ADGRB1: variants seen among roughly 807,000 people sequenced by gnomAD.
ADGRB1 encodes the protein brain-specific angiogenesis inhibitor 1.
Under a neutral mutation model 175.7 loss-of-function variants are expected in ADGRB1, and 36 were observed. That is an observed-to-expected ratio of 0.20 (90% CI 0.16 to 0.27). The LOEUF (loss-of-function observed/expected upper bound fraction) is 0.27, where lower values mean the gene tolerates loss of function less well. Ranked by LOEUF, ADGRB1 falls within the 10% of genes least tolerant of loss-of-function variation. ADGRB1 has a pLI of 1.00. For synonymous variants in ADGRB1, 1,054 were observed against 979.4 expected (o/e 1.08, Z -1.42); for missense variants, 1,731 against 2,255.3 (o/e 0.77, Z 4.71).
chr8:142,523,555 A>ATTGGATTT (rs1208581173), intron 22 of ADGRB1, among the ~76,000 whole-genome samples: 39 of 152,010 alleles, frequency 2.6e-4, no homozygotes, highest in African/African-American at 9.4e-4. Flanking sequence ...CACTGTCCCC[A>ATTGGATTT]GAGATGAGAG....
intron 9 of ADGRB1, 51 bp from the exon 10 acceptor site, chr8:142,481,203 T>G: frequency 6.4e-7 from 1 of 1,555,156 alleles, no homozygotes. Flanking sequence ...AAGGGTGGGA[T>G]TCCTGGGCCA....
chr8:142,457,729 CG>C (rs1002967037), intron 1 of ADGRB1, among the ~76,000 whole-genome samples: 2 of 152,112 alleles, frequency 1.3e-5, no homozygotes, highest in African/African-American at 4.8e-5. Context: ...GTCACCCTGT[CG>C]GGGGGAGGCT....
At chr8:142,465,830 C>T (rs912701526) in intron 2 of ADGRB1, among the ~76,000 whole-genome samples, 14 of 152,136 alleles carry the variant, frequency 9.2e-5, no homozygotes, top group African/African-American at 2.2e-4. Flanking sequence ...GAAGAGAGAA[C>T]GGCAAGTGGC....
In ADGRB1 at chr8:142,524,651, A is replaced by G. The variant is rs559360480; in HGVS notation, c.3312+347A>G. Among the ~76,000 whole-genome samples the G allele has an allele frequency of 3.9e-5, 6 of 152,178 alleles. No individual in the cohort carries two copies. The South Asian group carries it at 1.0e-3, about 26-fold the overall frequency. On this transcript the variant is annotated intron_variant, in intron 23 of 30. Transcript: ENST00000517894. ...TGGACGGATGATGCGAGCAGCGGGGAGCTGCAGGCTGGACCTGGGTTGTGG... is the reference window on the plus strand; with the variant it reads ...TGGACGGATGATGCGAGCAGCGGGGGGCTGCAGGCTGGACCTGGGTTGTGG...
intron 1 of ADGRB1, among the ~76,000 whole-genome samples, chr8:142,454,006 G>C (rs1839512652): frequency 6.6e-6 from 1 of 152,180 alleles, no homozygotes; most frequent in African/African-American, 2.4e-5. Context: ...GAGGGGTCCG[G>C]ACCAGACCTG....
intron 24 of ADGRB1, among the ~76,000 whole-genome samples, chr8:142,529,399 G>T (rs1030687371): frequency 1.3e-5 from 2 of 151,940 alleles, no homozygotes; most frequent in African/African-American, 4.8e-5. Flanking sequence ...TTTTAATTTC[G>T]CTTGTAGCCA....
At chr8:142,486,776 C>T (rs7386569) in intron 13 of ADGRB1, among the ~76,000 whole-genome samples, 45,452 of 152,152 alleles carry the variant, frequency 0.3, 9,060 homozygotes, top group African/African-American at 0.56. Context: ...CCCAGCAGTT[C>T]AGGAGGCCAA....
At chr8:142,519,746 G>C (rs1843660234) in intron 19 of ADGRB1, among the ~76,000 whole-genome samples, 1 of 150,636 alleles carries the variant, frequency 6.6e-6, no homozygotes, top group South Asian at 2.1e-4. Flanking sequence ...TGGTGGTAGT[G>C]ATGGTGGTAA....
Position 142,543,023 on chromosome 8 carries a change from T to C in ADGRB1, c.4413+376T>C, listed in dbSNP as rs965313930. Among the ~76,000 whole-genome samples the C allele has an allele frequency of 6.6e-6, 1 of 152,178 alleles. No individual in the cohort carries two copies. Among genetic ancestry groups the C allele is most frequent in the Non-Finnish European group, 1.5e-5 (1 of 68,006 alleles). On this transcript the variant is annotated intron_variant, in intron 28 of 30. Coordinates refer to ENST00000517894, the MANE Select transcript of ADGRB1 (RefSeq NM_001702.3). This position sits in a 1 kb window ranked among gnomAD's most constrained non-coding sequence, Gnocchi z 4.4. ...CAGTCAGCCTGTAGGATGTTGTTTT[T>C]GGGGGAGCCCGTCCCCACAGGATAT...
chr8:142,451,396 C>T (rs112631080), intron 1 of ADGRB1, among the ~76,000 whole-genome samples: 3,543 of 152,272 alleles, frequency 0.023, 140 homozygotes, highest in African/African-American at 0.081. Context: ...GGCTGGGACC[C>T]GAAGAGCCCT....
Position 142,493,617 on chromosome 8 carries a change from G to C in ADGRB1, c.2675+2802G>C, listed in dbSNP as rs1378534601. Among the ~76,000 whole-genome samples, 1 of 152,218 alleles carries C rather than the reference G, an allele frequency of 6.6e-6. No individual in the cohort carries two copies. Among genetic ancestry groups the C allele is most frequent in the Admixed American group, 6.5e-5 (1 of 15,292 alleles). On this transcript the variant is annotated intron_variant, in intron 17 of 30. Coordinates refer to ENST00000517894, the MANE Select transcript of ADGRB1 (RefSeq NM_001702.3). The surrounding 1 kb of genome is among the most constrained non-coding windows in gnomAD (Gnocchi z 5.0). Reference sequence around the variant, plus strand: ...AGCATTGTGCCCAAGTTGCCTCTTGGGTCCTTGACCCTGCCCGGCAGCCAG... The same window carrying C: ...AGCATTGTGCCCAAGTTGCCTCTTGCGTCCTTGACCCTGCCCGGCAGCCAG...
chr8:142,543,429 G>A lies in ADGRB1; in HGVS notation c.4440G>A (p.Leu1480=). ...GGCGGAAGTCGCGGTATGCAGAACT[G>A]GACTTTGAGGTGAGTTCTGGTGTCC... The part of the protein sequence containing the change: ...LERRKSRYAE[L]DFEKIMHTRK... The change falls in exon 29 of 31, where the codon CTG becomes CTA. Residue 1480 remains leucine (L), a synonymous_variant. Transcript: ENST00000517894. This position sits in a 1 kb window ranked among gnomAD's most constrained non-coding sequence, Gnocchi z 4.4. 6.2e-7 allele frequency: 1 copy of A among 1,613,804 alleles called. No homozygotes were observed. Among genetic ancestry groups the A allele is most frequent in the South Asian group, 1.1e-5 (1 of 91,060 alleles).
At chr8:142,526,434 T>C in intron 23 of ADGRB1, 108 bp from the exon 24 acceptor site, 4 of 997,398 alleles carry the variant, frequency 4.0e-6, no homozygotes, top group Non-Finnish European at 6.2e-6. Flanking sequence ...TGACCCTGGG[T>C]GGGGTAGGGG....
chr8:142,533,578 C>G, intron 25 of ADGRB1, 112 bp downstream of exon 25: 1 of 1,292,872 alleles, frequency 7.7e-7, no homozygotes, highest in East Asian at 2.4e-5. Context: ...GGCGCAGCAT[C>G]CATGACCCTG....
intron 1 of ADGRB1, among the ~76,000 whole-genome samples, chr8:142,459,132 CAG>C (rs1299116458): frequency 2.0e-5 from 3 of 152,330 alleles, no homozygotes; most frequent in African/African-American, 4.8e-5. Context: ...GGGGTGGGCT[CAG>C]GGGTCAGCCC....
intron 18 of ADGRB1, among the ~76,000 whole-genome samples, chr8:142,515,646 G>T (rs1843373362): frequency 6.6e-6 from 1 of 152,114 alleles, no homozygotes; most frequent in Non-Finnish European, 1.5e-5. Context: ...TCTCCCACCT[G>T]TCCCTGTCCA....
rs754455050 is a variant in ADGRB1 at position 142,504,599 on chromosome 8, A to C, written c.2676-6333A>C. Among the ~76,000 whole-genome samples the C allele has an allele frequency of 2.6e-5, 4 of 152,204 alleles. No homozygotes were observed. The South Asian group carries it at 6.2e-4, about 24-fold the overall frequency. On this transcript the variant is annotated intron_variant, in intron 17 of 30. Coordinates refer to ENST00000517894, the MANE Select transcript of ADGRB1 (RefSeq NM_001702.3). This position sits in a 1 kb window ranked among gnomAD's most constrained non-coding sequence, Gnocchi z 5.6. ...GGAGCTCATGGAAGGGCAGGGGGGA[A>C]GTCTGGTTATCCAGGTAGACTTCCT...
chr8:142,479,247 G>C (rs1451722246), intron 7 of ADGRB1, 76 bp from the exon 8 acceptor site: 2 of 1,386,968 alleles, frequency 1.4e-6, no homozygotes, highest in Admixed American at 6.2e-5. Context: ...CCCTGTCTTT[G>C]TGTCCTCCTG....
intron 1 of ADGRB1, among the ~76,000 whole-genome samples, chr8:142,458,158 G>A (rs1018556490): frequency 1.3e-5 from 2 of 152,186 alleles, no homozygotes; most frequent in Admixed American, 6.5e-5. Flanking sequence ...GCCCAGGGTC[G>A]GGTCTGTCCA....
Sources: allele counts gnomAD v4.1 joint callset (sites outside exome capture counted in the v4.1 genomes callset), GRCh38; gene constraint gnomAD v4.1.1; non-coding constraint Gnocchi (gnomAD v3.1); transcripts MANE v1.5; gene names NCBI Gene and HGNC (gene_info 2026-07-23, HGNC 2026-07-21).